Variants in RFX4 observed in about 807,000 individuals in gnomAD.
RFX4 encodes regulatory factor X4.
Under a neutral mutation model 95.0 loss-of-function variants are expected in RFX4, and 10 were observed. That is an observed-to-expected ratio of 0.11 (90% CI 0.06 to 0.18). The LOEUF is 0.18. Among genes scored for constraint, RFX4 ranks in the 10% least tolerant of loss-of-function variants. RFX4 has a pLI of 1.00. For synonymous variants in RFX4, 321 were observed against 340.7 expected (o/e 0.94, Z 0.64); for missense variants, 640 against 922.0 (o/e 0.69, Z 3.96).
chr12:106,641,979 A>ATATCTATATCTATATCTATATC (rs1565961051), intron 3 of RFX4, among the ~76,000 whole-genome samples: 7 of 126,018 alleles, frequency 5.6e-5, no homozygotes, highest in African/African-American at 2.2e-4. Flanking sequence ...ATCTATATCT[A>ATATCTATATCTATATCTATATC]TATCTATATC....
intron 15 of RFX4, among the ~76,000 whole-genome samples, chr12:106,739,453 C>T (rs1001547690): frequency 6.6e-6 from 1 of 152,042 alleles, no homozygotes; most frequent in Non-Finnish European, 1.5e-5. Flanking sequence ...TTGCACATAA[C>T]CTTTTGGCAT....
chr12:106,599,245 T>C (rs1182241259), intron 1 of RFX4, among the ~76,000 whole-genome samples: 5 of 151,942 alleles, frequency 3.3e-5, no homozygotes, highest in African/African-American at 1.2e-4. Flanking sequence ...TTGCCCACTT[T>C]AGAGTTTTAC....
chr12:106,643,947 T>C (rs2040688480), intron 3 of RFX4, among the ~76,000 whole-genome samples: 1 of 152,202 alleles, frequency 6.6e-6, no homozygotes, highest in African/African-American at 2.4e-5. Context: ...TGTGTAGATA[T>C]GTATTACAGA....
At chr12:106,685,496 T>C (rs2041625576) in intron 5 of RFX4, among the ~76,000 whole-genome samples, 1 of 152,212 alleles carries the variant, frequency 6.6e-6, no homozygotes, top group Non-Finnish European at 1.5e-5. Context: ...TGTCAAGCAC[T>C]CAGTACCAGA....
At chr12:106,658,348 A>C (rs1296373814) in intron 4 of RFX4, among the ~76,000 whole-genome samples, 4 of 152,060 alleles carry the variant, frequency 2.6e-5, no homozygotes, top group Admixed American at 2.6e-4. Context: ...AAAGTTCTCC[A>C]CCCAACTCTT....
At position 106,711,439 on chromosome 12, in the gene RFX4, T is replaced by G. The variant is rs368391388; in HGVS notation, c.935-14T>G. 5.0e-6 allele frequency: 8 copies of G among 1,611,400 alleles called. No individual in the cohort carries two copies. Among genetic ancestry groups the G allele is most frequent in the African/African-American group, 1.3e-5 (1 of 74,872 alleles). ...GCATGCAAATATTTCAAACTAATTC[T>G]TTTCTCCTTGCAGTGTCGAGAAGGT... On this transcript the variant is annotated splice_polypyrimidine_tract_variant and intron_variant, in intron 9 of 17. Coordinates refer to ENST00000392842, the MANE Select transcript of RFX4 (RefSeq NM_213594.3).
At chr12:106,650,677 G>A (rs2040840392) in intron 3 of RFX4, among the ~76,000 whole-genome samples, 1 of 151,968 alleles carries the variant, frequency 6.6e-6, no homozygotes, top group Non-Finnish European at 1.5e-5. Flanking sequence ...GCGGTGAGCC[G>A]AGATGTCGCC....
At chr12:106,676,161 C>T (rs980301354) in intron 4 of RFX4, among the ~76,000 whole-genome samples, 6 of 152,066 alleles carry the variant, frequency 3.9e-5, no homozygotes, top group South Asian at 2.1e-4. Flanking sequence ...TTGGGAAAGG[C>T]GAGCTCTGGT....
chr12:106,685,141 C>T (rs1193208692), intron 5 of RFX4, among the ~76,000 whole-genome samples: 1 of 152,186 alleles, frequency 6.6e-6, no homozygotes, highest in East Asian at 1.9e-4. Flanking sequence ...TGAAAATCGA[C>T]TCTAGACGTA....
chr12:106,621,302 A>G (rs926141409), intron 2 of RFX4, among the ~76,000 whole-genome samples: 3 of 152,190 alleles, frequency 2.0e-5, no homozygotes, highest in African/African-American at 7.2e-5. Flanking sequence ...GGGGTCCCTG[A>G]CTTCCCACAA....
At chr12:106,742,945 A>G (rs555570472) in intron 15 of RFX4, among the ~76,000 whole-genome samples, 26 of 152,250 alleles carry the variant, frequency 1.7e-4, no homozygotes, top group Non-Finnish European at 3.7e-4. Context: ...CTGATTGTCT[A>G]TTATATTCCG....
chr12:106,594,112 T>C (rs1318694877), intron 1 of RFX4, among the ~76,000 whole-genome samples: 1 of 152,228 alleles, frequency 6.6e-6, no homozygotes, highest in Non-Finnish European at 1.5e-5. Flanking sequence ...TTCTTTTACT[T>C]TTATTTCTTT....
At chr12:106,605,955 T>C (rs1485560870) in intron 1 of RFX4, among the ~76,000 whole-genome samples, 1 of 152,158 alleles carries the variant, frequency 6.6e-6, no homozygotes, top group Non-Finnish European at 1.5e-5. Flanking sequence ...CTTGCTTTCA[T>C]CTCTCTCCAG....
intron 2 of RFX4, among the ~76,000 whole-genome samples, chr12:106,615,479 T>A (rs1464990962): frequency 1.3e-5 from 2 of 152,210 alleles, no homozygotes; most frequent in Non-Finnish European, 2.9e-5. Flanking sequence ...AATTCCATAT[T>A]GATTTTAGAA....
At chr12:106,630,614 A>G (rs1461303697) in intron 2 of RFX4, among the ~76,000 whole-genome samples, 1 of 152,222 alleles carries the variant, frequency 6.6e-6, no homozygotes, top group African/African-American at 2.4e-5. Context: ...CCAACAGGTG[A>G]GTTCTGGCCA....
At position 106,686,901 on chromosome 12, in the gene RFX4, T is replaced by C; in HGVS notation, c.395T>C (p.Ile132Thr). 6.2e-7 allele frequency: 1 copy of C among 1,613,558 alleles called. No individual in the cohort carries two copies. Reference sequence around the variant, plus strand: ...TGGCCCAGGTACCATTACTATGGCATTGCAGTGAAAGAAAGCTCCCAATAT... The same window carrying C: ...TGGCCCAGGTACCATTACTATGGCACTGCAGTGAAAGAAAGCTCCCAATAT... ...RGQSKYHYYG[I>T]AVKESSQYYD... The change falls in exon 6 of 18, where the codon ATT becomes ACT. Residue 132 changes from isoleucine (I) to threonine (T), a missense_variant. Physicochemically the swap from Ile to Thr is moderately conservative, Grantham distance 89. Coordinates refer to ENST00000392842, the MANE Select transcript of RFX4 (RefSeq NM_213594.3).
intron 4 of RFX4, among the ~76,000 whole-genome samples, chr12:106,656,354 C>T (rs564166912): frequency 2.0e-5 from 3 of 152,314 alleles, no homozygotes; most frequent in South Asian, 2.1e-4. Flanking sequence ...CAGAATGAAA[C>T]GTTCCCAGCA....
chr12:106,715,210 T>C (rs971662453), intron 10 of RFX4, 190 bp from the exon 11 acceptor site: 8 of 611,758 alleles, frequency 1.3e-5, no homozygotes, highest in African/African-American at 1.3e-4. Flanking sequence ...GAAAGAACCA[T>C]AGGAGAAAAC....
chr12:106,624,318 A>G (rs12304017), intron 2 of RFX4, among the ~76,000 whole-genome samples: 10,674 of 151,920 alleles, frequency 0.07, 838 homozygotes, highest in African/African-American at 0.19. Flanking sequence ...TTTCATTTTT[A>G]TTTTATTTTA....
Sources: allele counts gnomAD v4.1 joint callset (sites outside exome capture counted in the v4.1 genomes callset), GRCh38; gene constraint gnomAD v4.1.1; transcripts MANE v1.5; gene names NCBI Gene and HGNC (gene_info 2026-07-23, HGNC 2026-07-21).